VGLL4: variants seen among roughly 807,000 people sequenced by gnomAD.
VGLL4 encodes transcription cofactor vestigial-like protein 4.
VGLL4 carries 7 observed loss-of-function variants against 21.0 expected under a neutral mutation model. The observed-to-expected ratio is 0.33, with a 90% CI of 0.19 to 0.63. VGLL4 has a LOEUF of 0.63. Among genes scored for constraint, VGLL4 ranks in the 20% least tolerant of loss-of-function variants. The probability of loss-of-function intolerance (pLI) is 0.78; values close to 1 mark genes in which losing one functional copy is unlikely to be tolerated. For missense variants in VGLL4, 394 were observed against 425.7 expected, an observed-to-expected ratio of 0.93 and a Z score of 0.66; for synonymous variants, 222 against 173.2, an observed-to-expected ratio of 1.28 and a Z score of -2.21.
intron 3 of VGLL4, among the ~76,000 whole-genome samples, chr3:11,561,891 C>CTTTTTTTTT (rs35380668): frequency 1.1e-5 from 1 of 88,590 alleles, no homozygotes; most frequent in Non-Finnish European, 2.0e-5. Context: ...CTGCGCCAAA[C>CTTTTTTTTT]TTTTTTTTTT....
intron 1 of VGLL4, among the ~76,000 whole-genome samples, chr3:11,629,619 C>T (rs1002869515): frequency 6.6e-5 from 10 of 151,866 alleles, no homozygotes; most frequent in African/African-American, 2.4e-4. Flanking sequence ...TGGTGGCAAG[C>T]GCCTGTAATC....
At chr3:11,703,896 C>A (rs1223978487) in intron 1 of VGLL4, among the ~76,000 whole-genome samples, 2 of 152,234 alleles carry the variant, frequency 1.3e-5, no homozygotes, top group Non-Finnish European at 2.9e-5. Context: ...GCACCGGTCA[C>A]AACATGTGGC....
At chr3:11,634,837 A>G (rs914624232) in intron 1 of VGLL4, among the ~76,000 whole-genome samples, 7 of 151,896 alleles carry the variant, frequency 4.6e-5, no homozygotes, top group Non-Finnish European at 1.0e-4. Context: ...ATGCCTGGCT[A>G]ATTTTTATAT....
Position 11,658,329 on chromosome 3 carries a change from C to T in VGLL4, c.64+44642G>A, listed in dbSNP as rs557637650. On this transcript the variant is annotated intron_variant, in intron 2 of 5. Coordinates refer to the VGLL4 transcript ENST00000273038. ...CTCCCCAAAGCAATAATCAAACTAC[C>T]ATATTTTATTTATAGCTGCTCTCAA... is the stretch of plus-strand genomic sequence containing the variant. 3.9e-5 allele frequency among the ~76,000 whole-genome samples: 6 copies of T among 152,114 alleles called. No individual in the cohort carries two copies. The East Asian group carries it at 7.7e-4, about 20-fold the overall frequency.
In VGLL4 at chr3:11,719,126, G is replaced by A. The variant is rs2076957155; in HGVS notation, c.-14+1268C>T. 6.6e-6 allele frequency among the ~76,000 whole-genome samples: 1 copy of A among 152,160 alleles called. No individual in the cohort carries two copies. The highest frequency in any genetic ancestry group is 2.4e-5 in the African/African-American group (1 of 41,460). On this transcript the variant is annotated intron_variant, in intron 1 of 5. Transcript: ENST00000273038. The surrounding 1 kb of genome is among the most constrained non-coding windows in gnomAD (Gnocchi z 4.0). ...GCAGGAAGCACAGGAAGAGTACGGT[G>A]CCCCTTCCCGCAGTCCACATCACAG...
chr3:11,604,104 T>C (rs573460968), intron 1 of VGLL4, among the ~76,000 whole-genome samples: 8 of 151,768 alleles, frequency 5.3e-5, no homozygotes, highest in Admixed American at 4.6e-4. Flanking sequence ...CGGGTGGGGG[T>C]GGGACCAGGG....
chr3:11,657,475 C>T (rs1395847322), intron 2 of VGLL4, among the ~76,000 whole-genome samples: 2 of 152,030 alleles, frequency 1.3e-5, no homozygotes, highest in Non-Finnish European at 2.9e-5. Flanking sequence ...TACTGTTTGG[C>T]TCATTTTCCT....
At chr3:11,606,384 C>G (rs1159159975) in intron 1 of VGLL4, among the ~76,000 whole-genome samples, 3 of 152,182 alleles carry the variant, frequency 2.0e-5, no homozygotes, top group Non-Finnish European at 4.4e-5. Context: ...CAAAGAGATA[C>G]CACTAACACC....
In VGLL4 at chr3:11,640,303, G is replaced by A. The variant is rs183136485; in HGVS notation, c.82+3134C>T. ...CTCTGCCTTCACGAGGCTTTCGCCAGTCTAGTAAGGTATTCTCAGGTGTTC... is the reference window on the plus strand; with the variant it reads ...CTCTGCCTTCACGAGGCTTTCGCCAATCTAGTAAGGTATTCTCAGGTGTTC... On this transcript the variant is annotated intron_variant, in intron 1 of 4. Coordinates refer to ENST00000430365, the MANE Select transcript of VGLL4 (RefSeq NM_001128219.3). Among the ~76,000 whole-genome samples, 247 of 152,256 alleles carry A rather than the reference G, an allele frequency of 1.6e-3. 1 individual carries two copies. Among genetic ancestry groups the A allele is most frequent in the African/African-American group, 5.8e-3 (242 of 41,528 alleles).
At chr3:11,642,984 C>T (rs945652627) in intron 1 of VGLL4, among the ~76,000 whole-genome samples, 1 of 152,106 alleles carries the variant, frequency 6.6e-6, no homozygotes, top group African/African-American at 2.4e-5. Context: ...CACAAAAACT[C>T]GCTGTAACTT....
intron 1 of VGLL4, chr3:11,633,172 T>C (rs543207014): frequency 1.3e-5 from 2 of 152,352 alleles, no homozygotes; most frequent in Admixed American, 6.5e-5. Flanking sequence ...TCAATGCTTA[T>C]CTTTAGTCAA....
chr3:11,702,271 G>C (rs1397713033), intron 2 of VGLL4, among the ~76,000 whole-genome samples: 3 of 151,994 alleles, frequency 2.0e-5, no homozygotes, highest in Non-Finnish European at 2.9e-5. Flanking sequence ...GAGAAGGAAA[G>C]AACGACCTAC....
At chr3:11,610,453 G>A (rs1045993220) in intron 1 of VGLL4, 1 of 152,162 alleles carries the variant, frequency 6.6e-6, no homozygotes, top group African/African-American at 2.4e-5. Flanking sequence ...CGCAAGGATC[G>A]CCTGCAATCC....
chr3:11,657,740 T>C (rs968607706), intron 2 of VGLL4, among the ~76,000 whole-genome samples: 12 of 152,156 alleles, frequency 7.9e-5, no homozygotes, highest in Non-Finnish European at 1.3e-4. Context: ...TCCTATTACT[T>C]TGGAATGGCT....
At chr3:11,569,827 GC>G (rs2073704685) in intron 2 of VGLL4, among the ~76,000 whole-genome samples, 1 of 152,176 alleles carries the variant, frequency 6.6e-6, no homozygotes, top group Non-Finnish European at 1.5e-5. Context: ...GCTACAGTGA[GC>G]CATGGTCACG....
intron 1 of VGLL4, among the ~76,000 whole-genome samples, chr3:11,708,783 C>G (rs1237896300): frequency 1.3e-5 from 2 of 151,790 alleles, no homozygotes; most frequent in Admixed American, 1.3e-4. Context: ...CATTGAGGAC[C>G]AGGCATGGTG....
At chr3:11,678,262 G>A (rs1423219685) in intron 2 of VGLL4, among the ~76,000 whole-genome samples, 3 of 151,988 alleles carry the variant, frequency 2.0e-5, no homozygotes, top group African/African-American at 7.3e-5. Context: ...CACTATGTTG[G>A]CCAGGCTGGT....
At chr3:11,684,821 T>C (rs2076423497) in intron 2 of VGLL4, among the ~76,000 whole-genome samples, 1 of 152,124 alleles carries the variant, frequency 6.6e-6, no homozygotes, top group South Asian at 2.1e-4. Flanking sequence ...TCCGTTTGTT[T>C]GCTTTTTGAG....
intron 2 of VGLL4, among the ~76,000 whole-genome samples, chr3:11,696,909 A>G (rs1559950351): frequency 6.6e-6 from 1 of 151,872 alleles, no homozygotes; most frequent in Non-Finnish European, 1.5e-5. Context: ...TGCCCACCTA[A>G]TTTTTAAATT....
Sources: allele counts gnomAD v4.1 joint callset (sites outside exome capture counted in the v4.1 genomes callset), GRCh38; gene constraint gnomAD v4.1.1; non-coding constraint Gnocchi (gnomAD v3.1); transcripts MANE v1.5; gene names NCBI Gene and HGNC (gene_info 2026-07-23, HGNC 2026-07-21).